Variants in ZNF385D observed in about 807,000 individuals in gnomAD.
ZNF385D encodes zinc finger protein 385D.
ZNF385D carries 15 observed loss-of-function variants against 35.8 expected under a neutral mutation model. That is an observed-to-expected ratio of 0.42 (90% CI 0.28 to 0.64). ZNF385D has a LOEUF of 0.64. Among genes scored for constraint, ZNF385D ranks in the 30% least tolerant of loss-of-function variants. ZNF385D has a pLI of 0.23. For missense variants in ZNF385D, 474 were observed against 494.6 expected, an observed-to-expected ratio of 0.96 and a Z score of 0.39; for synonymous variants, 212 against 186.8, an observed-to-expected ratio of 1.13 and a Z score of -1.10.
At chr3:21,741,007 A>G (rs1425570112) in intron 1 of ZNF385D, among the ~76,000 whole-genome samples, 2 of 152,044 alleles carry the variant, frequency 1.3e-5, no homozygotes, top group Non-Finnish European at 2.9e-5. Flanking sequence ...TGTTCCCCTT[A>G]AGGCTGGTGG....
intron 3 of ZNF385D, among the ~76,000 whole-genome samples, chr3:22,099,592 G>T (rs187411962): frequency 2.0e-5 from 3 of 152,084 alleles, no homozygotes; most frequent in Admixed American, 2.0e-4. Context: ...TAATTTGAGG[G>T]TAAACCTGAT....
intron 3 of ZNF385D, among the ~76,000 whole-genome samples, chr3:22,030,552 C>A (rs1697936257): frequency 1.3e-5 from 2 of 151,390 alleles, no homozygotes; most frequent in Non-Finnish European, 2.9e-5. Context: ...TCTTGGGAAA[C>A]CTCCCTCAGT....
chr3:21,641,413 G>A (rs2065601454), intron 2 of ZNF385D, among the ~76,000 whole-genome samples: 1 of 151,686 alleles, frequency 6.6e-6, no homozygotes, highest in African/African-American at 2.4e-5. Flanking sequence ...AAACCAATGA[G>A]GAAGAAAAAT....
At chr3:21,915,383 T>C (rs1575904627) in intron 3 of ZNF385D, among the ~76,000 whole-genome samples, 1 of 152,160 alleles carries the variant, frequency 6.6e-6, no homozygotes, top group East Asian at 1.9e-4. Flanking sequence ...TAAATAGAAT[T>C]GTAAGCATGA....
intron 2 of ZNF385D, among the ~76,000 whole-genome samples, chr3:22,351,117 T>C (rs560209163): frequency 2.6e-5 from 4 of 152,170 alleles, no homozygotes; most frequent in African/African-American, 9.6e-5. Flanking sequence ...TATCTCAAAA[T>C]AAAAATGTTA....
chr3:21,670,675 A>AC lies in ZNF385D; in HGVS notation c.23-5648_23-5647insG, dbSNP rs1241229204. Among the ~76,000 whole-genome samples, 35 of 20,194 alleles carry AC rather than the reference A, an allele frequency of 1.7e-3. 3 individuals are homozygous for AC. Among genetic ancestry groups the AC allele is most frequent in the Non-Finnish European group, 2.4e-3 (25 of 10,258 alleles). 13.2% of individuals were successfully genotyped at this position (20,194 alleles called of 152,430 possible). A position where few individuals can be genotyped will look rare whatever the true frequency, so the allele number is the denominator to read the frequency against. On this transcript the variant is annotated intron_variant, in intron 1 of 7. Coordinates refer to ENST00000281523, the MANE Select transcript of ZNF385D (RefSeq NM_024697.3). ...GCCCCCCCCCCCCCCCCCCCCCCCA[A>AC]TGACTGAACGAATCCCCTTTGGCCA...
intron 2 of ZNF385D, among the ~76,000 whole-genome samples, chr3:22,365,230 G>T (rs1027169099): frequency 1.1e-4 from 17 of 151,872 alleles, no homozygotes; most frequent in Admixed American, 9.8e-4. Flanking sequence ...AAATGATTAA[G>T]ATGATACATT....
chr3:21,762,141 T>C (rs974078178), intron 3 of ZNF385D, among the ~76,000 whole-genome samples: 1 of 152,072 alleles, frequency 6.6e-6, no homozygotes, highest in Non-Finnish European at 1.5e-5. Flanking sequence ...CCTCCTAAAG[T>C]GCTGGGATTA....
rs181195957 is a variant in ZNF385D at position 22,077,582 on chromosome 3, A to T, written c.325+91235T>A. 9.9e-5 allele frequency among the ~76,000 whole-genome samples: 15 copies of T among 152,120 alleles called. No individual in the cohort carries two copies. The East Asian group carries it at 2.7e-3, about 27-fold the overall frequency. On this transcript the variant is annotated intron_variant, in intron 3 of 5. Coordinates refer to the ZNF385D transcript ENST00000494108. Reference sequence around the variant, plus strand: ...GGTTCTGTATCTAAATGCAAAGCAGACTTCCTATTTAACACTTTCCTTGAT... The same window carrying T: ...GGTTCTGTATCTAAATGCAAAGCAGTCTTCCTATTTAACACTTTCCTTGAT...
At chr3:21,641,533 T>C (rs1239007976) in intron 2 of ZNF385D, among the ~76,000 whole-genome samples, 3 of 152,006 alleles carry the variant, frequency 2.0e-5, no homozygotes, top group African/African-American at 7.2e-5. Flanking sequence ...TGTTATACCA[T>C]TATTACATCT....
intron 3 of ZNF385D, among the ~76,000 whole-genome samples, chr3:21,761,257 C>A (rs1274035818): frequency 6.6e-6 from 1 of 152,200 alleles, no homozygotes. Flanking sequence ...TAGTCAGCAC[C>A]ATCAGCTGAG....
At chr3:22,091,561 C>T (rs1468757992) in intron 3 of ZNF385D, among the ~76,000 whole-genome samples, 1 of 150,906 alleles carries the variant, frequency 6.6e-6, no homozygotes, top group Non-Finnish European at 1.5e-5. Context: ...GAGTAGCCTG[C>T]CAGAGTTATT....
chr3:21,607,784 A>C (rs2064528002), intron 2 of ZNF385D, among the ~76,000 whole-genome samples: 1 of 152,166 alleles, frequency 6.6e-6, no homozygotes, highest in Admixed American at 6.5e-5. Context: ...GCACATCTCC[A>C]GAGAGAAGCA....
At chr3:22,109,578 G>A (rs924787455) in intron 3 of ZNF385D, among the ~76,000 whole-genome samples, 2 of 152,132 alleles carry the variant, frequency 1.3e-5, no homozygotes, top group African/African-American at 4.8e-5. Context: ...AGAAGTGAAG[G>A]TGAAGAGGAT....
chr3:21,807,755 A>G (rs375305577), intron 3 of ZNF385D, among the ~76,000 whole-genome samples: 1 of 152,192 alleles, frequency 6.6e-6, no homozygotes, highest in African/African-American at 2.4e-5. Context: ...GCTTTTCAGA[A>G]CATCAACTTC....
At chr3:21,593,002 C>A (rs912751935) in intron 2 of ZNF385D, among the ~76,000 whole-genome samples, 4 of 152,176 alleles carry the variant, frequency 2.6e-5, no homozygotes, top group African/African-American at 9.7e-5. Context: ...GAAATGACAT[C>A]ATGTGTGGCA....
At chr3:21,433,843 C>T (rs182507318) in intron 5 of ZNF385D, among the ~76,000 whole-genome samples, 2 of 152,044 alleles carry the variant, frequency 1.3e-5, no homozygotes, top group Non-Finnish European at 2.9e-5. Flanking sequence ...ATATTAAATT[C>T]GCAGATTTTT....
At chr3:21,745,301 A>G (rs1387116121) in intron 1 of ZNF385D, among the ~76,000 whole-genome samples, 2 of 152,220 alleles carry the variant, frequency 1.3e-5, no homozygotes, top group African/African-American at 4.8e-5. Flanking sequence ...AAGATTGATA[A>G]GAAAGAAAAG....
Position 22,132,281 on chromosome 3 carries a change from C to T in ZNF385D, c.325+36536G>A, listed in dbSNP as rs552750783. ...TTGCACCTTCTAACATATGAGAACACATGAAACAGTGCCATCTATGAACTA... is the reference window on the plus strand; with the variant it reads ...TTGCACCTTCTAACATATGAGAACATATGAAACAGTGCCATCTATGAACTA... On this transcript the variant is annotated intron_variant, in intron 3 of 5. Transcript: ENST00000494108. Among the ~76,000 whole-genome samples the T allele has an allele frequency of 2.6e-5, 4 of 152,222 alleles. No homozygotes were observed. The South Asian group carries it at 8.3e-4, about 32-fold the overall frequency.
Sources: allele counts gnomAD v4.1 joint callset (sites outside exome capture counted in the v4.1 genomes callset), GRCh38; gene constraint gnomAD v4.1.1; transcripts MANE v1.5; gene names NCBI Gene and HGNC (gene_info 2026-07-23, HGNC 2026-07-21).